SCHIP1: variants seen among roughly 807,000 people sequenced by gnomAD.
SCHIP1 encodes schwannomin interacting protein 1, also known as schwannomin-interacting protein 1.
In SCHIP1, 8 loss-of-function variants were observed where a neutral mutation model predicts 29.7. The observed-to-expected ratio is 0.27, with a 90% CI of 0.16 to 0.49. The LOEUF (loss-of-function observed/expected upper bound fraction) is 0.49, where lower values mean the gene tolerates loss of function less well. Among genes scored for constraint, SCHIP1 ranks in the 20% least tolerant of loss-of-function variants. SCHIP1 has a pLI of 0.99. For missense variants in SCHIP1, 193 were observed against 294.6 expected (o/e 0.66, Z 2.52); for synonymous variants, 76 against 94.9 (o/e 0.80, Z 1.16).
the SCHIP1 span, among the ~76,000 whole-genome samples, chr3:159,551,982 G>T: frequency 6.7e-6 from 1 of 148,632 alleles, no homozygotes; most frequent in African/African-American, 2.5e-5. Context: ...GCACTTGCTT[G>T]TGGTATGGTA....
chr3:159,718,786 T>G, the SCHIP1 span, among the ~76,000 whole-genome samples: 1 of 152,144 alleles, frequency 6.6e-6, no homozygotes, highest in African/African-American at 2.4e-5. Context: ...AGAATCAATA[T>G]TGTGAAAATG....
the SCHIP1 span, among the ~76,000 whole-genome samples, chr3:159,717,493 AAAG>A: frequency 6.6e-6 from 1 of 152,196 alleles, no homozygotes; most frequent in African/African-American, 2.4e-5. Flanking sequence ...CAGGACTAAT[AAAG>A]AAGAAAAGAG....
At chr3:159,713,279 AG>A in the SCHIP1 span, among the ~76,000 whole-genome samples, 5 of 146,994 alleles carry the variant, frequency 3.4e-5, no homozygotes, top group East Asian at 3.9e-4. Flanking sequence ...AAAGAAAGAA[AG>A]AAAGAAAAAA....
chr3:159,405,559 T>C, the SCHIP1 span, among the ~76,000 whole-genome samples: 1 of 152,074 alleles, frequency 6.6e-6, no homozygotes, highest in Non-Finnish European at 1.5e-5. Context: ...AGGAAAGCAC[T>C]GGTGAGCTTG....
chr3:159,432,516 G>T, the SCHIP1 span, among the ~76,000 whole-genome samples: 2 of 152,024 alleles, frequency 1.3e-5, no homozygotes, highest in Non-Finnish European at 2.9e-5. Context: ...AGGGAACCAG[G>T]CTCTACCACT....
the SCHIP1 span, among the ~76,000 whole-genome samples, chr3:159,699,018 G>A: frequency 2.5e-4 from 38 of 152,168 alleles, no homozygotes; most frequent in East Asian, 1.9e-3. Context: ...TTATTACTTC[G>A]TGTAGACTTC....
the SCHIP1 span, among the ~76,000 whole-genome samples, chr3:159,489,475 C>T: frequency 2.6e-5 from 4 of 152,286 alleles, no homozygotes; most frequent in South Asian, 6.2e-4. Context: ...ATGCTTCACT[C>T]TGGGCTTTCT....
the SCHIP1 span, among the ~76,000 whole-genome samples, chr3:159,786,436 C>T: frequency 2.6e-5 from 4 of 152,002 alleles, no homozygotes; most frequent in Admixed American, 6.5e-5. Context: ...CAAATTGAGC[C>T]AAAATGGATT....
At chr3:159,273,712 T>TA in the SCHIP1 span, 4 of 1,512,800 alleles carry the variant, frequency 2.6e-6, no homozygotes, top group Non-Finnish European at 3.5e-6. Flanking sequence ...AGAAATTTTT[T>TA]AGACAACCTT....
chr3:159,890,324 T>A (rs1254077261), intron 5 of SCHIP1, among the ~76,000 whole-genome samples: 1 of 152,092 alleles, frequency 6.6e-6, no homozygotes, highest in Non-Finnish European at 1.5e-5. Flanking sequence ...AGTTTGAAAA[T>A]TTTCCATAAT....
chr3:159,848,707 G>A (rs1712172388), intron 1 of SCHIP1, among the ~76,000 whole-genome samples: 1 of 152,046 alleles, frequency 6.6e-6, no homozygotes, highest in East Asian at 1.9e-4. Flanking sequence ...TGGTTCTGGA[G>A]TGGGACTGGA....
At chr3:159,763,118 G>C in the SCHIP1 span, among the ~76,000 whole-genome samples, 1 of 152,180 alleles carries the variant, frequency 6.6e-6, no homozygotes, top group African/African-American at 2.4e-5. Flanking sequence ...GTGAGCTAAA[G>C]CAACAGGTTC....
chr3:159,321,122 G>A, the SCHIP1 span, among the ~76,000 whole-genome samples: 1 of 152,078 alleles, frequency 6.6e-6, no homozygotes, highest in Non-Finnish European at 1.5e-5. Flanking sequence ...CTGCCACCAC[G>A]CCCAGCTAAT....
chr3:159,678,145 T>C, the SCHIP1 span, among the ~76,000 whole-genome samples: 3 of 152,264 alleles, frequency 2.0e-5, no homozygotes, highest in Non-Finnish European at 1.5e-5. Flanking sequence ...ATCTCCTCTT[T>C]TGAATCCACA....
chr3:159,799,833 T>C, the SCHIP1 span, among the ~76,000 whole-genome samples: 1 of 152,286 alleles, frequency 6.6e-6, no homozygotes, highest in South Asian at 2.1e-4. Context: ...CTAAGAATAG[T>C]GAGAAACTTA....
chr3:159,323,864 A>G, the SCHIP1 span, among the ~76,000 whole-genome samples: 1 of 152,200 alleles, frequency 6.6e-6, no homozygotes, highest in Non-Finnish European at 1.5e-5. Flanking sequence ...GCTAACTAGA[A>G]GTGGGACATC....
chr3:159,720,214 A>G, the SCHIP1 span, among the ~76,000 whole-genome samples: 19 of 112,860 alleles, frequency 1.7e-4, no homozygotes, highest in East Asian at 5.7e-3. Context: ...AACATCACAC[A>G]CCGGGGCCTA....
chr3:159,725,227 T>TGA, the SCHIP1 span, among the ~76,000 whole-genome samples: 2 of 151,144 alleles, frequency 1.3e-5, no homozygotes, highest in African/African-American at 2.4e-5. Context: ...CTTGGGAAGA[T>TGA]GAGAGAGAGA....
At chr3:159,415,262 TGTAAAACAAG>T in the SCHIP1 span, among the ~76,000 whole-genome samples, 1 of 152,206 alleles carries the variant, frequency 6.6e-6, no homozygotes, top group Non-Finnish European at 1.5e-5. Flanking sequence ...TATTATTCAC[TGTAAAACAAG>T]GTAAATAATG....
Sources: gnomAD v4.1 joint callset for allele counts (sites outside exome capture counted in the v4.1 genomes callset) on GRCh38, gnomAD v4.1.1 for gene constraint, MANE v1.5 for transcripts, NCBI Gene and HGNC (gene_info 2026-07-23, HGNC 2026-07-21) for gene names.